SLC14A2: variants seen among roughly 807,000 people sequenced by gnomAD.
SLC14A2 encodes the protein urea transporter 2.
In SLC14A2, 91 loss-of-function variants were observed where a neutral mutation model predicts 104.6. The ratio of observed to expected loss-of-function variants is 0.87; its 90% confidence interval spans 0.73 to 1.04. The LOEUF (loss-of-function observed/expected upper bound fraction) is 1.04. Among genes scored for constraint, SLC14A2 ranks in the 50% least tolerant of loss-of-function variants. The pLI, the probability that SLC14A2 is intolerant of heterozygous loss-of-function variation, is 0.00. For synonymous variants in SLC14A2, 476 were observed against 466.4 expected (o/e 1.02, Z -0.27); for missense variants, 1,189 against 1,156.0 (o/e 1.03, Z -0.41).
At chr18:45,182,695 A>T in the SLC14A2 span, among the ~76,000 whole-genome samples, 2 of 152,084 alleles carry the variant, frequency 1.3e-5, no homozygotes, top group African/African-American at 4.8e-5. Flanking sequence ...TAAAGCAACA[A>T]CAAAAAATAT....
the SLC14A2 span, among the ~76,000 whole-genome samples, chr18:45,176,183 C>T: frequency 6.6e-6 from 1 of 152,152 alleles, no homozygotes; most frequent in African/African-American, 2.4e-5. Flanking sequence ...ACTAAGGTTC[C>T]TAAGCACCAG....
intron 2 of SLC14A2, among the ~76,000 whole-genome samples, chr18:45,575,385 C>A (rs1178186121): frequency 6.6e-6 from 1 of 152,152 alleles, no homozygotes; most frequent in Non-Finnish European, 1.5e-5. Flanking sequence ...CTCTCAGATC[C>A]CCACTTTGAT....
intron 1 of SLC14A2, among the ~76,000 whole-genome samples, chr18:45,285,179 C>A (rs71356482): frequency 2.0e-5 from 3 of 152,118 alleles, no homozygotes; most frequent in Admixed American, 1.3e-4. Context: ...AGAATAGAGA[C>A]AGACTATAGA....
intron 1 of SLC14A2, among the ~76,000 whole-genome samples, chr18:45,310,330 C>T (rs745959321): frequency 3.2e-4 from 49 of 152,178 alleles, no homozygotes; most frequent in Non-Finnish European, 5.6e-4. Context: ...CATGGTGCTA[C>T]CTCTTCACCC....
chr18:45,174,199 G>T, the SLC14A2 span, among the ~76,000 whole-genome samples: 4 of 152,048 alleles, frequency 2.6e-5, no homozygotes, highest in Non-Finnish European at 5.9e-5. Context: ...CTGGAAGGGA[G>T]CATGTCATAG....
At chr18:45,220,997 T>C (rs2084056421) in intron 1 of SLC14A2, among the ~76,000 whole-genome samples, 1 of 152,158 alleles carries the variant, frequency 6.6e-6, no homozygotes. Context: ...CCAGTCATAT[T>C]GGATTAGGGA....
intron 1 of SLC14A2, among the ~76,000 whole-genome samples, chr18:45,357,291 A>G (rs2085564652): frequency 6.8e-6 from 1 of 147,490 alleles, no homozygotes; most frequent in African/African-American, 2.5e-5. Context: ...TTGAGAAAAC[A>G]GATCTTGAGG....
intron 1 of SLC14A2, among the ~76,000 whole-genome samples, chr18:45,468,322 G>C (rs1339769891): frequency 2.0e-5 from 3 of 151,998 alleles, no homozygotes; most frequent in African/African-American, 7.3e-5. Context: ...ATCTTCACTG[G>C]GAGGGAGAAA....
rs752493418 is a variant in SLC14A2 at position 45,667,916 on chromosome 18, A to G, written c.1801A>G (p.Ile601Val). The G allele has an allele frequency of 2.5e-6, 4 of 1,614,074 alleles. No individual in the cohort carries two copies. The highest frequency in any genetic ancestry group is 1.6e-4 in the Middle Eastern group (1 of 6,062). The change falls in exon 14 of 20, where the codon ATC becomes GTC. Residue 601 changes from isoleucine to valine, a missense_variant. By Grantham distance (29) the Ile-to-Val change is conservative. Transcript: ENST00000255226. Reference protein sequence around the residue: ...VMFVNNPLSGILIILGLFIQN... With the variant: ...VMFVNNPLSGVLIILGLFIQN... The stretch of plus-strand genomic sequence containing the variant: ...GTTTGTGAACAACCCCCTCAGCGGC[A>G]TCCTCATCATCCTCGGCCTCTTCAT...
chr18:45,262,004 A>G (rs1191348299), intron 1 of SLC14A2, among the ~76,000 whole-genome samples: 2 of 152,168 alleles, frequency 1.3e-5, no homozygotes, highest in Admixed American at 1.3e-4. Flanking sequence ...CAATGGTTGA[A>G]CTAGTTTACA....
At chr18:45,241,841 C>T (rs568474226) in intron 1 of SLC14A2, among the ~76,000 whole-genome samples, 10 of 151,992 alleles carry the variant, frequency 6.6e-5, no homozygotes, top group Admixed American at 1.3e-4. Context: ...TGGGGTTTCT[C>T]CATGTTGGTC....
At chr18:45,286,614 G>A (rs981926241) in intron 1 of SLC14A2, among the ~76,000 whole-genome samples, 7 of 152,152 alleles carry the variant, frequency 4.6e-5, no homozygotes, top group African/African-American at 1.7e-4. Flanking sequence ...AAGAAGCTGA[G>A]AAACTGAGGG....
At chr18:45,654,295 G>A (rs1313039482) in intron 10 of SLC14A2, among the ~76,000 whole-genome samples, 1 of 152,184 alleles carries the variant, frequency 6.6e-6, no homozygotes, top group East Asian at 1.9e-4. Flanking sequence ...TGAGCTGGAG[G>A]GCTCAGGGAG....
chr18:45,515,764 T>A (rs920579243), intron 2 of SLC14A2, among the ~76,000 whole-genome samples: 1 of 152,222 alleles, frequency 6.6e-6, no homozygotes, highest in Admixed American at 6.5e-5. Context: ...AAGGAACGAA[T>A]TGGTGCAATC....
In SLC14A2 at chr18:45,594,746, A is replaced by G. The variant is rs572278458; in HGVS notation, c.-34-29885A>G. ...GCTGAACCAGATGTCTTCTAGCTCT[A>G]AACTCTGGAACTCTTGGAAACAAGT... On this transcript the variant is annotated intron_variant, in intron 2 of 20. Transcript: ENST00000586448. Among the ~76,000 whole-genome samples, 7 of 152,286 alleles carry G rather than the reference A, an allele frequency of 4.6e-5. No individual in the cohort carries two copies. The East Asian group carries it at 1.3e-3, about 29-fold the overall frequency.
chr18:45,171,833 C>CA, the SLC14A2 span, among the ~76,000 whole-genome samples: 35,160 of 151,996 alleles, frequency 0.23, 4,363 homozygotes, highest in African/African-American at 0.28. Context: ...TAAATTCTGT[C>CA]TGAATCACTC....
intron 1 of SLC14A2, among the ~76,000 whole-genome samples, chr18:45,318,487 T>A (rs2085152313): frequency 1.3e-5 from 2 of 152,086 alleles, no homozygotes; most frequent in African/African-American, 4.8e-5. Context: ...TAGGTATCAT[T>A]GTTAAGGAAG....
chr18:45,202,873 C>T, the SLC14A2 span, among the ~76,000 whole-genome samples: 1 of 151,868 alleles, frequency 6.6e-6, no homozygotes, highest in South Asian at 2.1e-4. Flanking sequence ...AGCTCAAAGA[C>T]AATAAGATTT....
rs551688277 is a variant in SLC14A2, at chr18:45,674,232, C to G, written c.2512+415C>G. ...GTTGGTAGATTTGTATGTCCTCATC[C>G]TTGAACATCCTTTATTTCTTGATGT... On this transcript the variant is annotated intron_variant, in intron 18 of 19. Transcript: ENST00000255226. 4.1e-4 allele frequency among the ~76,000 whole-genome samples: 62 copies of G among 152,306 alleles called. 1 individual carries two copies. Among genetic ancestry groups the G allele is most frequent in the Admixed American group, 1.2e-3 (19 of 15,300 alleles).
Sources: gnomAD v4.1 joint callset for allele counts (sites outside exome capture counted in the v4.1 genomes callset) on GRCh38, gnomAD v4.1.1 for gene constraint, MANE v1.5 for transcripts, NCBI Gene and HGNC (gene_info 2026-07-23, HGNC 2026-07-21) for gene names.